Variants in ATP13A4 observed in about 807,000 individuals in gnomAD.
The protein encoded by ATP13A4 is ATPase 13A4.
In ATP13A4, 114 loss-of-function variants were observed where a neutral mutation model predicts 142.5. That is an observed-to-expected ratio of 0.80 (90% CI 0.69 to 0.93). The LOEUF is 0.93. Among genes scored for constraint, ATP13A4 ranks in the 40% least tolerant of loss-of-function variants. The pLI is 0.00. For synonymous variants in ATP13A4, 488 were observed against 514.8 expected, an observed-to-expected ratio of 0.95 and a Z score of 0.70; for missense variants, 1,392 against 1,454.0, an observed-to-expected ratio of 0.96 and a Z score of 0.69.
intron 2 of ATP13A4, among the ~76,000 whole-genome samples, chr3:193,505,982 T>A (rs1720841234): frequency 6.6e-6 from 1 of 152,196 alleles, no homozygotes; most frequent in Non-Finnish European, 1.5e-5. Context: ...AAATGAAGTA[T>A]ACATAATGTG....
At chr3:193,410,836 G>C in intron 28 of ATP13A4, 146 bp downstream of exon 28, 1 of 615,294 alleles carries the variant, frequency 1.6e-6, no homozygotes, top group Non-Finnish European at 2.9e-6. Flanking sequence ...AAAAAATATA[G>C]ATAAATTTAG....
At chr3:193,547,503 G>T (rs935553815) in intron 1 of ATP13A4, among the ~76,000 whole-genome samples, 2 of 152,254 alleles carry the variant, frequency 1.3e-5, no homozygotes, top group East Asian at 3.9e-4. Flanking sequence ...CATTGGAAAG[G>T]ATACTCATTA....
intron 2 of ATP13A4, among the ~76,000 whole-genome samples, chr3:193,507,768 T>C (rs535204666): frequency 7.9e-5 from 12 of 152,252 alleles, no homozygotes; most frequent in Middle Eastern, 6.8e-3. Flanking sequence ...CTAATGCCCA[T>C]GGAATGCCTG....
chr3:193,590,356 C>A (rs913775592), intron 1 of ATP13A4, among the ~76,000 whole-genome samples: 2 of 152,030 alleles, frequency 1.3e-5, no homozygotes, highest in African/African-American at 4.8e-5. Context: ...TCATAAGTCT[C>A]GATGGGGTGA....
intron 29 of ATP13A4, chr3:193,404,274 C>CACACAG (rs1553828709): frequency 6.7e-5 from 28 of 416,048 alleles, no homozygotes; most frequent in African/African-American, 2.4e-4. Context: ...CACACACACA[C>CACACAG]AGAGAGAGAA....
At chr3:193,575,398 G>A (rs1724370327) in intron 2 of ATP13A4, among the ~76,000 whole-genome samples, 2 of 152,148 alleles carry the variant, frequency 1.3e-5, no homozygotes, top group African/African-American at 4.8e-5. Flanking sequence ...CCTAGGGGAT[G>A]AGTTGACAAA....
At chr3:193,412,107 T>C in intron 27 of ATP13A4, 71 bp downstream of exon 27, 1 of 1,398,588 alleles carries the variant, frequency 7.2e-7, no homozygotes, top group South Asian at 1.2e-5. Context: ...AGCTGTTCCC[T>C]AAGTGACCTG....
Position 193,573,292 on chromosome 3 carries a change from C to CATATATATATATATACATAT in ATP13A4, n.291+8395_291+8414dup, listed in dbSNP as rs1161447871. Among the ~76,000 whole-genome samples, 224 of 107,850 alleles carry CATATATATATATATACATAT rather than the reference C, an allele frequency of 2.1e-3. 8 individuals carry two copies. The highest frequency in any genetic ancestry group is 1.0e-2 in the African/African-American group (217 of 21,736). 70.8% of individuals were successfully genotyped at this position (107,850 alleles called of 152,430 possible). On this transcript the variant is annotated intron_variant and non_coding_transcript_variant, in intron 2 of 3. Transcript: ENST00000489140. ...ATATATATACATATATATATATACACATATATATATATATACATATATATA... is the reference window on the plus strand; with the variant it reads ...ATATATATACATATATATATATACACATATATATATATATACATATATATATATATATATACATATATATA...
At chr3:193,497,213 A>C (rs981908431) in intron 3 of ATP13A4, among the ~76,000 whole-genome samples, 2 of 152,232 alleles carry the variant, frequency 1.3e-5, no homozygotes, top group African/African-American at 4.8e-5. Context: ...GAACTCAAAA[A>C]ACTCAAGAGC....
intron 1 of ATP13A4, among the ~76,000 whole-genome samples, chr3:193,539,608 G>A (rs931052837): frequency 1.3e-5 from 2 of 152,210 alleles, no homozygotes; most frequent in African/African-American, 4.8e-5. Context: ...TGAGAAACCA[G>A]ATTTGTCAGC....
At chr3:193,474,077 T>G (rs953526558) in intron 8 of ATP13A4, among the ~76,000 whole-genome samples, 1 of 151,824 alleles carries the variant, frequency 6.6e-6, no homozygotes, top group African/African-American at 2.4e-5. Flanking sequence ...CCTAGCACTT[T>G]GGGAGGACGA....
chr3:193,544,228 A>G (rs1367754235), intron 1 of ATP13A4, among the ~76,000 whole-genome samples: 4 of 152,248 alleles, frequency 2.6e-5, no homozygotes, highest in Admixed American at 6.5e-5. Flanking sequence ...GCAAAAATCA[A>G]TTGAAGCCGG....
At chr3:193,492,653 C>T (rs567316104) in intron 5 of ATP13A4, among the ~76,000 whole-genome samples, 6 of 152,174 alleles carry the variant, frequency 3.9e-5, no homozygotes, top group East Asian at 3.9e-4. Context: ...TGTGTGACCT[C>T]GTTCCGGCCA....
At chr3:193,590,814 A>G (rs1438187019) in intron 1 of ATP13A4, among the ~76,000 whole-genome samples, 3 of 152,212 alleles carry the variant, frequency 2.0e-5, no homozygotes, top group Non-Finnish European at 4.4e-5. Context: ...ATTTTTACTA[A>G]GAAAAGTAGA....
chr3:193,498,511 C>T (rs1051279160), intron 3 of ATP13A4, among the ~76,000 whole-genome samples: 1 of 152,184 alleles, frequency 6.6e-6, no homozygotes, highest in Non-Finnish European at 1.5e-5. Context: ...AACAGCGAGA[C>T]TGCCATATTG....
intron 29 of ATP13A4, among the ~76,000 whole-genome samples, chr3:193,404,812 T>TA (rs1350320632): frequency 1.3e-5 from 2 of 152,130 alleles, no homozygotes; most frequent in Non-Finnish European, 2.9e-5. Flanking sequence ...GAGAATGGAC[T>TA]AAAATACAAC....
At chr3:193,578,060 G>A (rs891889193) in intron 2 of ATP13A4, among the ~76,000 whole-genome samples, 4 of 152,138 alleles carry the variant, frequency 2.6e-5, no homozygotes, top group Non-Finnish European at 5.9e-5. Flanking sequence ...TTGGGAGGCT[G>A]AGGCGGGTGG....
intron 2 of ATP13A4, among the ~76,000 whole-genome samples, chr3:193,512,328 A>G (rs749529652): frequency 6.6e-6 from 1 of 152,204 alleles, no homozygotes; most frequent in African/African-American, 2.4e-5. Context: ...TCTGAGCCCC[A>G]GAAAGCAAAT....
At chr3:193,467,193 TA>T (rs1256816340) in intron 10 of ATP13A4, 122 bp downstream of exon 10, 3 of 1,042,120 alleles carry the variant, frequency 2.9e-6, no homozygotes, top group Non-Finnish European at 4.2e-6. Flanking sequence ...CCACAAAAAT[TA>T]AAAATTAAAA....
Sources: allele counts gnomAD v4.1 joint callset (sites outside exome capture counted in the v4.1 genomes callset), GRCh38; gene constraint gnomAD v4.1.1; transcripts MANE v1.5; gene names NCBI Gene and HGNC (gene_info 2026-07-23, HGNC 2026-07-21).